GABBR2: variants seen among roughly 807,000 people sequenced by gnomAD.
GABBR2 encodes the protein gamma-aminobutyric acid type B receptor subunit 2.
GABBR2 carries 23 observed loss-of-function variants against 105.6 expected under a neutral mutation model. That is an observed-to-expected ratio of 0.22 (90% CI 0.16 to 0.31). The LOEUF (loss-of-function observed/expected upper bound fraction) is 0.31. GABBR2 is among the 10% of genes least tolerant of loss of function. GABBR2 has a pLI of 1.00. For synonymous variants in GABBR2, 478 were observed against 499.7 expected (o/e 0.96, Z 0.58); for missense variants, 734 against 1,245.5 (o/e 0.59, Z 6.18).
intron 7 of GABBR2, among the ~76,000 whole-genome samples, chr9:98,424,345 G>A (rs957423124): frequency 3.3e-5 from 5 of 151,436 alleles, no homozygotes; most frequent in African/African-American, 1.2e-4. Flanking sequence ...AATAATAAGA[G>A]CTATCTATGA....
At chr9:98,584,829 G>A (rs1268167235) in intron 1 of GABBR2, among the ~76,000 whole-genome samples, 1 of 152,028 alleles carries the variant, frequency 6.6e-6, no homozygotes, top group African/African-American at 2.4e-5. Context: ...GTCCCCTCTG[G>A]GTCTCCCACG....
chr9:98,336,477 G>A (rs1252520809), intron 13 of GABBR2, among the ~76,000 whole-genome samples: 2 of 151,988 alleles, frequency 1.3e-5, no homozygotes, highest in African/African-American at 4.8e-5. Flanking sequence ...AGGCCAAGGC[G>A]GGTGGATCAC....
intron 15 of GABBR2, among the ~76,000 whole-genome samples, chr9:98,303,952 C>A (rs188969162): frequency 6.6e-6 from 1 of 152,318 alleles, no homozygotes; most frequent in Admixed American, 6.5e-5. Flanking sequence ...GGGGTCTGGG[C>A]ATTGCTTAGC....
chr9:98,348,567 A>G (rs1335818760), intron 13 of GABBR2, among the ~76,000 whole-genome samples: 5 of 152,208 alleles, frequency 3.3e-5, no homozygotes, highest in Non-Finnish European at 7.3e-5. Context: ...ATCCCCGAAC[A>G]TGAGATGTTT....
At chr9:98,571,930 G>A (rs952557335) in intron 2 of GABBR2, among the ~76,000 whole-genome samples, 1 of 152,208 alleles carries the variant, frequency 6.6e-6, no homozygotes, top group African/African-American at 2.4e-5. Flanking sequence ...GCCATGCAAT[G>A]CTGGAGGCCT....
intron 15 of GABBR2, among the ~76,000 whole-genome samples, chr9:98,305,277 T>C (rs1830533497): frequency 6.6e-6 from 1 of 152,210 alleles, no homozygotes; most frequent in Admixed American, 6.5e-5. Flanking sequence ...AAAACAGTTA[T>C]TTTTTTGGAC....
At chr9:98,405,365 T>C (rs1217658297) in intron 8 of GABBR2, among the ~76,000 whole-genome samples, 5 of 152,092 alleles carry the variant, frequency 3.3e-5, no homozygotes, top group Admixed American at 3.3e-4. Flanking sequence ...GGCTGCAGTA[T>C]GCTATGAACG....
At chr9:98,328,667 A>C (rs577241783) in intron 13 of GABBR2, among the ~76,000 whole-genome samples, 1 of 152,150 alleles carries the variant, frequency 6.6e-6, no homozygotes, top group Non-Finnish European at 1.5e-5. Context: ...TAAGTTTTGC[A>C]TTTTTTCTTT....
chr9:98,359,289 A>G (rs1285044068), intron 13 of GABBR2, among the ~76,000 whole-genome samples: 1 of 151,986 alleles, frequency 6.6e-6, no homozygotes, highest in Non-Finnish European at 1.5e-5. Flanking sequence ...TTAGTCAGGC[A>G]TGGTGGTGCA....
intron 13 of GABBR2, among the ~76,000 whole-genome samples, chr9:98,328,262 T>C (rs1409065600): frequency 2.0e-5 from 3 of 152,022 alleles, no homozygotes; most frequent in African/African-American, 7.2e-5. Flanking sequence ...TGGGGTTCTT[T>C]GAGCTGTGAC....
At chr9:98,646,093 C>G (rs1830026350) in intron 1 of GABBR2, among the ~76,000 whole-genome samples, 1 of 151,950 alleles carries the variant, frequency 6.6e-6, no homozygotes, top group South Asian at 2.1e-4. Flanking sequence ...GAGACTGTGT[C>G]CCTAGAAAGA....
At chr9:98,699,869 G>C (rs534747930) in intron 1 of GABBR2, among the ~76,000 whole-genome samples, 7 of 152,316 alleles carry the variant, frequency 4.6e-5, no homozygotes, top group South Asian at 2.1e-4. Context: ...CATAACGCTA[G>C]AGAAGAAGAA....
chr9:98,530,402 C>T (rs140922625), intron 3 of GABBR2, among the ~76,000 whole-genome samples: 206 of 152,246 alleles, frequency 1.4e-3, no homozygotes, highest in African/African-American at 4.7e-3. Context: ...AGGCACAAAC[C>T]GGGGTTCATG....
intron 3 of GABBR2, among the ~76,000 whole-genome samples, chr9:98,507,799 C>T (rs1359971893): frequency 6.6e-6 from 1 of 152,194 alleles, no homozygotes; most frequent in East Asian, 1.9e-4. Flanking sequence ...CACACACCTT[C>T]CATCTGGGAC....
chr9:98,446,172 G>A (rs1826124440), intron 7 of GABBR2, among the ~76,000 whole-genome samples: 1 of 152,188 alleles, frequency 6.6e-6, no homozygotes, highest in African/African-American at 2.4e-5. Flanking sequence ...ATATGAAACA[G>A]AATGGTATCT....
intron 7 of GABBR2, among the ~76,000 whole-genome samples, chr9:98,415,125 C>A (rs1401886446): frequency 1.3e-5 from 2 of 152,052 alleles, no homozygotes; most frequent in African/African-American, 4.8e-5. Flanking sequence ...AGTATACTCG[C>A]AATTACGTAA....
chr9:98,708,261 C>T (rs1049339605), intron 1 of GABBR2, among the ~76,000 whole-genome samples, 156 bp downstream of exon 1: 1 of 152,104 alleles, frequency 6.6e-6, no homozygotes, highest in African/African-American at 2.4e-5. Context: ...CCCAGCAGGA[C>T]CGCGGGGGTG....
intron 12 of GABBR2, among the ~76,000 whole-genome samples, chr9:98,365,580 T>C (rs563163411): frequency 1.3e-5 from 2 of 152,372 alleles, no homozygotes; most frequent in African/African-American, 4.8e-5. Context: ...TAAGTAGTTA[T>C]GAATCACTTT....
chr9:98,336,303 T>C (rs1831113688), intron 13 of GABBR2, among the ~76,000 whole-genome samples: 1 of 152,162 alleles, frequency 6.6e-6, no homozygotes, highest in Non-Finnish European at 1.5e-5. Context: ...TGAAGTCAGA[T>C]ATGGAGTGGG....
Sources: allele counts gnomAD v4.1 joint callset (sites outside exome capture counted in the v4.1 genomes callset), GRCh38; gene constraint gnomAD v4.1.1; transcripts MANE v1.5; gene names NCBI Gene and HGNC (gene_info 2026-07-23, HGNC 2026-07-21).